GPC6: variants seen among roughly 807,000 people sequenced by gnomAD.
GPC6 encodes the protein glypican 6, also known as glypican-6.
In GPC6, 14 loss-of-function variants were observed where a neutral mutation model predicts 55.2. That is an observed-to-expected ratio of 0.25 (90% CI 0.17 to 0.40). The LOEUF (loss-of-function observed/expected upper bound fraction) is 0.40, where lower values mean the gene tolerates loss of function less well. GPC6 is among the 10% of genes least tolerant of loss of function. The pLI, the probability that GPC6 is intolerant of heterozygous loss-of-function variation, is 1.00. For missense variants in GPC6, 641 were observed against 708.5 expected, an observed-to-expected ratio of 0.90 and a Z score of 1.08; for synonymous variants, 278 against 259.6, an observed-to-expected ratio of 1.07 and a Z score of -0.68.
At chr13:93,397,365 T>C (rs1875898237) in intron 1 of GPC6, among the ~76,000 whole-genome samples, 1 of 152,218 alleles carries the variant, frequency 6.6e-6, no homozygotes, top group Admixed American at 6.5e-5. Context: ...TAAAGTGATA[T>C]CTCACTGTGG....
intron 6 of GPC6, among the ~76,000 whole-genome samples, chr13:94,312,059 A>G (rs1411724414): frequency 6.6e-6 from 1 of 152,220 alleles, no homozygotes; most frequent in African/African-American, 2.4e-5. Flanking sequence ...TTTCCTGAAG[A>G]GTTATCACTT....
chr13:93,950,359 C>A (rs1018857822), intron 3 of GPC6, among the ~76,000 whole-genome samples: 2 of 152,042 alleles, frequency 1.3e-5, no homozygotes, highest in Non-Finnish European at 2.9e-5. Flanking sequence ...GAAAGGGTAC[C>A]TATTACTCTA....
intron 1 of GPC6, among the ~76,000 whole-genome samples, chr13:93,246,537 G>A (rs1876607436): frequency 6.6e-6 from 1 of 151,680 alleles, no homozygotes; most frequent in Admixed American, 6.6e-5. Context: ...TAATAGATGA[G>A]AATAACTCAA....
At chr13:93,324,587 C>CATATATAT (rs34871661) in intron 1 of GPC6, among the ~76,000 whole-genome samples, 1,955 of 122,774 alleles carry the variant, frequency 0.016, 33 homozygotes, top group African/African-American at 0.044. Flanking sequence ...CACATACATA[C>CATATATAT]ATATATATAT....
intron 4 of GPC6, among the ~76,000 whole-genome samples, chr13:94,244,440 G>A (rs9561517): frequency 4.6e-5 from 7 of 151,586 alleles, no homozygotes; most frequent in Non-Finnish European, 2.9e-5. Context: ...TTTCCATCTC[G>A]AACTAAATGT....
intron 6 of GPC6, among the ~76,000 whole-genome samples, chr13:94,328,765 G>A (rs990351793): frequency 1.3e-5 from 2 of 152,228 alleles, no homozygotes; most frequent in African/African-American, 2.4e-5. Context: ...CTCCACGTCC[G>A]CTGGGGAAGT....
At chr13:94,255,038 A>T (rs1384966564) in intron 4 of GPC6, among the ~76,000 whole-genome samples, 1 of 152,206 alleles carries the variant, frequency 6.6e-6, no homozygotes, top group Admixed American at 6.5e-5. Context: ...AAAAATTCCT[A>T]TTCCACTTGA....
chr13:94,168,326 G>A (rs1319792358), intron 4 of GPC6, among the ~76,000 whole-genome samples: 1 of 152,182 alleles, frequency 6.6e-6, no homozygotes, highest in Non-Finnish European at 1.5e-5. Context: ...TTAGGTCAGC[G>A]TGCTCACGCA....
At chr13:93,626,706 G>A (rs752152213) in intron 2 of GPC6, among the ~76,000 whole-genome samples, 7 of 151,740 alleles carry the variant, frequency 4.6e-5, no homozygotes, top group Non-Finnish European at 8.8e-5. Context: ...GGAGGCTGAG[G>A]CAGAAGAATT....
intron 3 of GPC6, among the ~76,000 whole-genome samples, chr13:93,935,364 T>G (rs1878383948): frequency 6.6e-6 from 1 of 152,204 alleles, no homozygotes; most frequent in African/African-American, 2.4e-5. Context: ...ATGAAATATT[T>G]GATTTTCTGT....
intron 2 of GPC6, among the ~76,000 whole-genome samples, chr13:93,604,363 G>A (rs2139528958): frequency 6.6e-6 from 1 of 152,250 alleles, no homozygotes; most frequent in East Asian, 1.9e-4. Context: ...CTGATTGCTG[G>A]GATGGGAATT....
rs1878810582 is a variant in GPC6, at chr13:93,943,008, G to T, written c.712-84721G>T. 2.6e-5 allele frequency among the ~76,000 whole-genome samples: 4 copies of T among 152,016 alleles called. No homozygotes were observed. The South Asian group carries it at 8.3e-4, about 32-fold the overall frequency. On this transcript the variant is annotated intron_variant, in intron 3 of 8. Coordinates refer to ENST00000377047, the MANE Select transcript of GPC6 (RefSeq NM_005708.5). ...CAACTCAAGCATATGGCCTCTATGAGATGGATCTGACCTCTCTGCCTTCAT... is the reference window on the plus strand; with the variant it reads ...CAACTCAAGCATATGGCCTCTATGATATGGATCTGACCTCTCTGCCTTCAT...
chr13:94,103,421 C>A (rs182786915), intron 4 of GPC6, among the ~76,000 whole-genome samples: 71 of 152,252 alleles, frequency 4.7e-4, no homozygotes, highest in African/African-American at 1.6e-3. Context: ...ATCACTGGGT[C>A]AAATGGTATT....
At chr13:94,352,986 T>C (rs879576302) in intron 6 of GPC6, among the ~76,000 whole-genome samples, 1 of 152,210 alleles carries the variant, frequency 6.6e-6, no homozygotes, top group Non-Finnish European at 1.5e-5. Flanking sequence ...AGTGCTTTTC[T>C]CTTGGTCTAA....
chr13:93,765,308 T>TTCCAGATAAGATGTCTGGAAAG, intron 2 of GPC6, among the ~76,000 whole-genome samples: 1 of 148,686 alleles, frequency 6.7e-6, no homozygotes, highest in African/African-American at 2.5e-5. Context: ...AAAGACAACT[T>TTCCAGATAAGATGTCTGGAAAG]ATTTGGTTTA....
At chr13:93,469,438 C>T (rs776893639) in intron 1 of GPC6, among the ~76,000 whole-genome samples, 4 of 152,200 alleles carry the variant, frequency 2.6e-5, no homozygotes, top group Admixed American at 1.3e-4. Flanking sequence ...ATCTGTTACC[C>T]CATCCTTTGG....
intron 2 of GPC6, among the ~76,000 whole-genome samples, chr13:93,591,323 G>T (rs1002964205): frequency 6.6e-6 from 1 of 152,054 alleles, no homozygotes; most frequent in African/African-American, 2.4e-5. Context: ...AATTAGCCGG[G>T]CATGGTGGCG....
At chr13:93,485,524 A>C (rs762237503) in intron 1 of GPC6, among the ~76,000 whole-genome samples, 1 of 152,324 alleles carries the variant, frequency 6.6e-6, no homozygotes, top group African/African-American at 2.4e-5. Flanking sequence ...CATTTTCATT[A>C]TTAATAGCTC....
At chr13:94,030,191 A>G (rs1035726076) in intron 4 of GPC6, among the ~76,000 whole-genome samples, 1 of 151,928 alleles carries the variant, frequency 6.6e-6, no homozygotes, top group African/African-American at 2.4e-5. Context: ...TTGTATTTTT[A>G]GTAGAGACGG....
Sources: gnomAD v4.1 joint callset for allele counts (sites outside exome capture counted in the v4.1 genomes callset) on GRCh38, gnomAD v4.1.1 for gene constraint, MANE v1.5 for transcripts, NCBI Gene and HGNC (gene_info 2026-07-23, HGNC 2026-07-21) for gene names.